ECE1: variants seen among roughly 807,000 people sequenced by gnomAD.
The protein encoded by ECE1 is endothelin converting enzyme 1, also known as endothelin-converting enzyme 1.
A neutral mutation model predicts 98.6 loss-of-function variants in ECE1; 35 were observed. That is an observed-to-expected ratio of 0.35 (90% CI 0.27 to 0.47). ECE1 has a LOEUF of 0.47. Ranked by LOEUF, ECE1 falls within the 20% of genes least tolerant of loss-of-function variation. The probability of loss-of-function intolerance (pLI) is 1.00; values close to 1 mark genes in which losing one functional copy is unlikely to be tolerated. For synonymous variants in ECE1, 394 were observed against 407.1 expected, an observed-to-expected ratio of 0.97 and a Z score of 0.39; for missense variants, 814 against 1,025.3, an observed-to-expected ratio of 0.79 and a Z score of 2.81.
At chr1:21,282,937 ATTT>A (rs536420247) in intron 2 of ECE1, among the ~76,000 whole-genome samples, 347 of 104,506 alleles carry the variant, frequency 3.3e-3, no homozygotes, top group African/African-American at 9.8e-3. Flanking sequence ...TCACAACATT[ATTT>A]TTTTTTTTTT....
intron 14 of ECE1, among the ~76,000 whole-genome samples, chr1:21,229,708 G>C (rs948614430): frequency 2.0e-5 from 3 of 152,120 alleles, no homozygotes; most frequent in African/African-American, 7.2e-5. Flanking sequence ...AACAAATGTG[G>C]ATTTTTTTGC....
Position 21,260,693 on chromosome 1 carries a change from C to A in ECE1, c.494-301G>T, listed in dbSNP as rs2098225630. Among the ~76,000 whole-genome samples the A allele has an allele frequency of 1.3e-5, 2 of 152,204 alleles. No individual in the cohort carries two copies. Among genetic ancestry groups the A allele is most frequent in the Non-Finnish European group, 2.9e-5 (2 of 68,044 alleles). On this transcript the variant is annotated intron_variant, in intron 4 of 18. Transcript: ENST00000374893. This position sits in a 1 kb window ranked among gnomAD's most constrained non-coding sequence, Gnocchi z 4.3. Reference sequence around the variant, plus strand: ...TCCCCGGGTTGACCGCACGTGCCCACCAGCAGGACAGTGTTCTTCCCCTGT... The same window carrying A: ...TCCCCGGGTTGACCGCACGTGCCCAACAGCAGGACAGTGTTCTTCCCCTGT...
intron 14 of ECE1, among the ~76,000 whole-genome samples, chr1:21,229,112 A>G (rs2098178465): frequency 6.6e-6 from 1 of 151,972 alleles, no homozygotes; most frequent in Non-Finnish European, 1.5e-5. Flanking sequence ...AAGTGTTGGG[A>G]TTACAGGCAT....
chr1:21,232,039 A>G (rs1481537418), intron 14 of ECE1, among the ~76,000 whole-genome samples: 2 of 152,258 alleles, frequency 1.3e-5, no homozygotes. Flanking sequence ...CTGGCAACAG[A>G]GCCTATGCCA....
At chr1:21,248,475 G>C (rs1384288714) in intron 8 of ECE1, among the ~76,000 whole-genome samples, 2 of 151,640 alleles carry the variant, frequency 1.3e-5, no homozygotes, top group African/African-American at 4.8e-5. Context: ...CACCCAGCCT[G>C]GTCTGCTCTA....
intron 2 of ECE1, among the ~76,000 whole-genome samples, chr1:21,280,979 A>G (rs1284503129): frequency 6.6e-6 from 1 of 152,236 alleles, no homozygotes; most frequent in African/African-American, 2.4e-5. Flanking sequence ...ACCTGAGGTC[A>G]GGAGTTCAAG....
chr1:21,265,236 G>A (rs1023496685), intron 4 of ECE1, among the ~76,000 whole-genome samples: 4 of 152,168 alleles, frequency 2.6e-5, no homozygotes, highest in Admixed American at 2.0e-4. Context: ...CCTGCGGGAG[G>A]TGACTGGGCT....
intron 10 of ECE1, among the ~76,000 whole-genome samples, 158 bp downstream of exon 10, chr1:21,244,831 G>A (rs980415268): frequency 5.1e-4 from 78 of 152,110 alleles, no homozygotes; most frequent in Admixed American, 3.3e-4. Context: ...TGGCTGAGTG[G>A]CTAGGACTCC....
Position 21,331,438 on chromosome 1 carries a change from C to T in ECE1, c.3+13938G>A, listed in dbSNP as rs117464107. ...AAAAATTAAAAAATAAAAACTTAGC[C>T]GGGTATGGTGGTGCACGCTTGTAGT... is the stretch of plus-strand genomic sequence containing the variant. On this transcript the variant is annotated intron_variant, in intron 1 of 18. Transcript: ENST00000415912. Among the ~76,000 whole-genome samples, 57 of 151,888 alleles carry T rather than the reference C, an allele frequency of 3.8e-4. 1 individual carries two copies. In the East Asian group the frequency reaches 9.9e-3, roughly 26 times the overall value.
Position 21,220,177 on chromosome 1 carries a change from C to A in ECE1, c.2137-46G>T, listed in dbSNP as rs770615128. 6.4e-7 allele frequency: 1 copy of A among 1,572,780 alleles called. No individual in the cohort carries two copies. The highest frequency in any genetic ancestry group is 8.6e-7 in the Non-Finnish European group (1 of 1,156,108). ...GAGGCCAGGGTCACTGTGGGGCCCTCGGGCTGCCAGACTGCCCCCATTATA... is the reference window on the plus strand; with the variant it reads ...GAGGCCAGGGTCACTGTGGGGCCCTAGGGCTGCCAGACTGCCCCCATTATA... On this transcript the variant is annotated intron_variant, in intron 18 of 18. Transcript: ENST00000374893. This position sits in a 1 kb window ranked among gnomAD's most constrained non-coding sequence, Gnocchi z 5.0.
intron 2 of ECE1, among the ~76,000 whole-genome samples, chr1:21,288,811 A>G (rs2103357998): frequency 1.3e-5 from 2 of 152,306 alleles, no homozygotes; most frequent in South Asian, 4.1e-4. Context: ...TCGGATTTTT[A>G]GCTCGGTGAC....
At chr1:21,296,735 G>C (rs935808559) in intron 1 of ECE1, among the ~76,000 whole-genome samples, 1 of 152,198 alleles carries the variant, frequency 6.6e-6, no homozygotes, top group Non-Finnish European at 1.5e-5. Context: ...AGATCTTCCT[G>C]GTTATCTCAG....
chr1:21,229,605 T>A (rs1346708832), intron 14 of ECE1, among the ~76,000 whole-genome samples: 3 of 152,162 alleles, frequency 2.0e-5, no homozygotes, highest in Non-Finnish European at 4.4e-5. Flanking sequence ...CAGGCTAAAA[T>A]TAAAATTTTG....
rs138498854 is a variant in ECE1, at chr1:21,228,418, G to A, written c.1671-377C>T. Among the ~76,000 whole-genome samples, 752 of 152,224 alleles carry A rather than the reference G, an allele frequency of 4.9e-3. 5 individuals carry two copies. The highest frequency in any genetic ancestry group is 8.2e-3 in the Non-Finnish European group (560 of 68,010). On this transcript the variant is annotated intron_variant, in intron 14 of 18. Transcript: ENST00000374893. ...AAAACACCTGACTGTCTATAAATAAGGAATCAGTTAATTAATGATGTCATA... is the reference window on the plus strand; with the variant it reads ...AAAACACCTGACTGTCTATAAATAAAGAATCAGTTAATTAATGATGTCATA...
chr1:21,273,335 G>A (rs1355259919), intron 3 of ECE1, among the ~76,000 whole-genome samples: 6 of 102,268 alleles, frequency 5.9e-5, no homozygotes, highest in Admixed American at 2.3e-4. Flanking sequence ...GTGTGTGCCC[G>A]TGCGTGTGTG....
At chr1:21,264,490 T>C (rs2098231405) in intron 4 of ECE1, among the ~76,000 whole-genome samples, 3 of 152,262 alleles carry the variant, frequency 2.0e-5, no homozygotes, top group Non-Finnish European at 2.9e-5. Flanking sequence ...AATTTTTGTA[T>C]TTTTAGTAGA....
intron 17 of ECE1, 54 bp from the exon 18 acceptor site, chr1:21,221,896 G>A (rs1371852712): frequency 1.3e-6 from 2 of 1,532,586 alleles, no homozygotes; most frequent in Non-Finnish European, 1.8e-6. Context: ...TGGTGAAGGA[G>A]GGGACTGGTA....
Position 21,219,737 on chromosome 1 carries a change from G to A in ECE1, c.*218C>T, listed in dbSNP as rs563416561. The A allele has an allele frequency of 5.6e-4, 343 of 615,264 alleles. 2 individuals carry two copies. Among genetic ancestry groups the A allele is most frequent in the South Asian group, 7.4e-4 (40 of 53,740 alleles). The allele number at this position is 615,264 out of a possible 1,614,324, so 38.1% of individuals were successfully genotyped here. ...CACCCGAATGCCTGCTGAAGGTGGC[G>A]CACACGTGTGCCTGGGATGTCCGGC... On this transcript the variant is annotated 3_prime_UTR_variant, in exon 19 of 19. Coordinates refer to ENST00000374893, the MANE Select transcript of ECE1 (RefSeq NM_001397.3). The surrounding 1 kb of genome is among the most constrained non-coding windows in gnomAD (Gnocchi z 4.5).
intron 1 of ECE1, among the ~76,000 whole-genome samples, chr1:21,331,137 T>G (rs1021094503): frequency 2.0e-5 from 3 of 152,116 alleles, no homozygotes; most frequent in African/African-American, 7.2e-5. Flanking sequence ...GCACGGTGGC[T>G]CATGCCTGTA....
Sources: allele counts gnomAD v4.1 joint callset (sites outside exome capture counted in the v4.1 genomes callset), GRCh38; gene constraint gnomAD v4.1.1; non-coding constraint Gnocchi (gnomAD v3.1); transcripts MANE v1.5; gene names NCBI Gene and HGNC (gene_info 2026-07-23, HGNC 2026-07-21).